The following SCAPER variants were observed in gnomAD, a reference collection of about 807,000 sequenced individuals.
SCAPER encodes the protein S-phase cyclin A associated protein in the ER.
SCAPER carries 98 observed loss-of-function variants against 182.2 expected under a neutral mutation model. The observed-to-expected ratio is 0.54, with a 90% CI of 0.46 to 0.64. The LOEUF (loss-of-function observed/expected upper bound fraction) is 0.64. SCAPER is among the 30% of genes least tolerant of loss of function. The probability of loss-of-function intolerance (pLI) is 0.00; values close to 1 mark genes in which losing one functional copy is unlikely to be tolerated. For missense variants in SCAPER, 1,432 were observed against 1,690.0 expected, an observed-to-expected ratio of 0.85 and a Z score of 2.68; for synonymous variants, 605 against 564.6, an observed-to-expected ratio of 1.07 and a Z score of -1.01.
intron 24 of SCAPER, among the ~76,000 whole-genome samples, chr15:76,485,420 G>A (rs1310110612): frequency 1.3e-5 from 2 of 152,084 alleles, no homozygotes; most frequent in Non-Finnish European, 2.9e-5. Context: ...CCATGCTTAT[G>A]GATAGAAAGA....
At chr15:76,719,168 CAA>C (rs1351508168) in intron 17 of SCAPER, among the ~76,000 whole-genome samples, 1 of 151,954 alleles carries the variant, frequency 6.6e-6, no homozygotes, top group Non-Finnish European at 1.5e-5. Context: ...ATCAAAGAAA[CAA>C]TGATAAAGAA....
At chr15:76,546,034 C>A (rs564370591) in intron 23 of SCAPER, among the ~76,000 whole-genome samples, 1 of 152,182 alleles carries the variant, frequency 6.6e-6, no homozygotes, top group East Asian at 1.9e-4. Context: ...ACATCCAGAA[C>A]GCACAGAAGA....
At chr15:76,607,536 T>A (rs772700512) in intron 22 of SCAPER, among the ~76,000 whole-genome samples, 2 of 152,226 alleles carry the variant, frequency 1.3e-5, no homozygotes, top group Non-Finnish European at 2.9e-5. Flanking sequence ...TGGCATTCTC[T>A]GTATTTCCTG....
chr15:76,537,247 C>A (rs973619837), intron 23 of SCAPER, among the ~76,000 whole-genome samples: 1 of 150,322 alleles, frequency 6.7e-6, no homozygotes, highest in Non-Finnish European at 1.5e-5. Context: ...CAAAAAAGAG[C>A]CCGCATCGCC....
chr15:76,603,400 A>T lies in SCAPER; in HGVS notation c.2711+18364T>A, dbSNP rs1280849387. ...GGCTGCATAGTATTCCATGGTGTATATGTGCCACGTTTTCTTAATCCAGTC... is the reference window on the plus strand; with the variant it reads ...GGCTGCATAGTATTCCATGGTGTATTTGTGCCACGTTTTCTTAATCCAGTC... On this transcript the variant is annotated intron_variant, in intron 22 of 31. Transcript: ENST00000563290. Among the ~76,000 whole-genome samples, 2 of 121,714 alleles carry T rather than the reference A, an allele frequency of 1.6e-5. 1 individual carries two copies. Among genetic ancestry groups the T allele is most frequent in the Non-Finnish European group, 4.0e-5 (2 of 50,122 alleles). 79.8% of individuals were successfully genotyped at this position (121,714 alleles called of 152,430 possible).
At chr15:76,745,577 A>C (rs1222635183) in intron 15 of SCAPER, among the ~76,000 whole-genome samples, 3 of 152,228 alleles carry the variant, frequency 2.0e-5, no homozygotes, top group African/African-American at 4.8e-5. Context: ...TAAAAGTTGG[A>C]ATTTTAAGAA....
intron 15 of SCAPER, among the ~76,000 whole-genome samples, chr15:76,738,953 G>A (rs2061416415): frequency 6.6e-6 from 1 of 152,146 alleles, no homozygotes; most frequent in African/African-American, 2.4e-5. Flanking sequence ...AACTCAGTAA[G>A]TATCTTTGAA....
intron 2 of SCAPER, among the ~76,000 whole-genome samples, chr15:76,876,324 G>A (rs1458117297): frequency 6.6e-6 from 1 of 152,024 alleles, no homozygotes; most frequent in Non-Finnish European, 1.5e-5. Flanking sequence ...AGGCCGAGGA[G>A]GCACCAAGAG....
intron 26 of SCAPER, among the ~76,000 whole-genome samples, chr15:76,430,404 C>T (rs1230353483): frequency 6.6e-6 from 1 of 152,218 alleles, no homozygotes; most frequent in South Asian, 2.1e-4. Context: ...ACACTCAATG[C>T]CAGCCCGTGA....
intron 23 of SCAPER, among the ~76,000 whole-genome samples, chr15:76,550,113 A>C (rs987534462): frequency 6.6e-6 from 1 of 152,188 alleles, no homozygotes; most frequent in Non-Finnish European, 1.5e-5. Context: ...ACAGTAAAAA[A>C]CAAAACAAAA....
chr15:76,597,045 T>C lies in SCAPER; in HGVS notation c.2712-22761A>G, dbSNP rs1319084965. Among the ~76,000 whole-genome samples, 3 of 122,048 alleles carry C rather than the reference T, an allele frequency of 2.5e-5. 1 individual carries two copies. Among genetic ancestry groups the C allele is most frequent in the African/African-American group, 7.5e-5 (3 of 39,788 alleles). 80.1% of individuals were successfully genotyped at this position (122,048 alleles called of 152,430 possible). On this transcript the variant is annotated intron_variant, in intron 22 of 31. Transcript: ENST00000563290. ...TCTCTGTTTATAGATGACATGACTG[T>C]ATATTTAGAAAACCCCATCGTCTAA...
intron 23 of SCAPER, among the ~76,000 whole-genome samples, chr15:76,523,568 C>T (rs1011771155): frequency 5.3e-5 from 8 of 152,038 alleles, no homozygotes; most frequent in African/African-American, 1.7e-4. Flanking sequence ...ATCATTTATT[C>T]ACTCAATAAA....
In SCAPER at chr15:76,726,333, CTTCAATAAGGCTATTTTTAGAAA is replaced by C. The variant is rs150448877; in HGVS notation, c.2165+2239_2165+2261del. Reference sequence around the variant, plus strand: ...CCAGAATGAGATGCCACTTCACACTCTTCAATAAGGCTATTTTTAGAAAAACAAAATAACAAGCATTGGTGAGG... The same window carrying C: ...CCAGAATGAGATGCCACTTCACACTCAACAAAATAACAAGCATTGGTGAGG... On this transcript the variant is annotated intron_variant, in intron 17 of 31. Transcript: ENST00000563290. 8.1e-3 allele frequency among the ~76,000 whole-genome samples: 1,227 copies of C among 151,184 alleles called. 12 individuals are homozygous for C. Among genetic ancestry groups the C allele is most frequent in the African/African-American group, 0.028 (1,163 of 41,308 alleles).
chr15:76,598,779 C>T lies in SCAPER; in HGVS notation c.2711+22985G>A, dbSNP rs1369086311. ...GAACACGTGGACACAGGGAAGGAAA[C>T]ATCACACACCGGGGCCTGTTGGGGT... is the stretch of plus-strand genomic sequence containing the variant. On this transcript the variant is annotated intron_variant, in intron 22 of 31. Coordinates refer to ENST00000563290, the MANE Select transcript of SCAPER (RefSeq NM_020843.4). Among the ~76,000 whole-genome samples, 2 of 119,466 alleles carry T rather than the reference C, an allele frequency of 1.7e-5. 1 individual carries two copies. The highest frequency in any genetic ancestry group is 4.1e-5 in the Non-Finnish European group (2 of 49,302). The allele number at this position is 119,466 out of a possible 152,430, so 78.4% of individuals were successfully genotyped here.
intron 2 of SCAPER, 43 bp downstream of exon 2, chr15:76,883,769 G>T (rs765253056): frequency 6.9e-7 from 1 of 1,448,866 alleles, no homozygotes; most frequent in South Asian, 1.4e-5. Context: ...GAAGAAAAGA[G>T]AAAGGCAAAA....
chr15:76,463,952 A>G lies in SCAPER; in HGVS notation c.3078+7260T>C, dbSNP rs143689652. Among the ~76,000 whole-genome samples, 892 of 150,618 alleles carry G rather than the reference A, an allele frequency of 5.9e-3. 4 individuals are homozygous for G. Among genetic ancestry groups the G allele is most frequent in the African/African-American group, 0.021 (859 of 41,018 alleles). ...ATATTGGACTGTTTAGATCTTGCCC[A>G]ACATTAAAAGCTTATCCATCTATTT... On this transcript the variant is annotated intron_variant, in intron 25 of 31. Transcript: ENST00000563290.
intron 29 of SCAPER, among the ~76,000 whole-genome samples, chr15:76,372,892 C>G (rs925106915): frequency 6.6e-6 from 1 of 152,110 alleles, no homozygotes; most frequent in East Asian, 1.9e-4. Context: ...TGACCTCAGC[C>G]ATGTAAAATT....
chr15:76,817,975 GCAAAAGACT>G (rs1256584522), intron 5 of SCAPER, among the ~76,000 whole-genome samples: 1 of 152,188 alleles, frequency 6.6e-6, no homozygotes, highest in East Asian at 1.9e-4. Context: ...TACAGCAGAA[GCAAAAGACT>G]CAGTAGAGCC....
chr15:76,420,723 A>C (rs913971433), intron 26 of SCAPER, among the ~76,000 whole-genome samples: 2 of 152,086 alleles, frequency 1.3e-5, no homozygotes, highest in African/African-American at 4.8e-5. Context: ...TGCACCCGTT[A>C]ACTCACCATT....
Sources: allele counts gnomAD v4.1 joint callset (sites outside exome capture counted in the v4.1 genomes callset), GRCh38; gene constraint gnomAD v4.1.1; transcripts MANE v1.5; gene names NCBI Gene and HGNC (gene_info 2026-07-23, HGNC 2026-07-21).